ITGAE: variants seen among roughly 807,000 people sequenced by gnomAD.
ITGAE encodes the protein integrin subunit alpha E.
ITGAE carries 99 observed loss-of-function variants against 136.5 expected under a neutral mutation model. That is an observed-to-expected ratio of 0.73 (90% confidence interval 0.62 to 0.86). The LOEUF is 0.86. ITGAE is among the 40% of genes least tolerant of loss of function. The pLI is 0.00. For missense variants in ITGAE, 1,447 were observed against 1,515.3 expected (o/e 0.95, Z 0.75); for synonymous variants, 613 against 591.8 (o/e 1.04, Z -0.52).
At chr17:3,724,649 C>T in intron 26 of ITGAE, 1 of 1,614,184 alleles carries the variant, frequency 6.2e-7, no homozygotes. Context: ...ACCAAACCCG[C>T]GCCAGCCTCA....
intron 30 of ITGAE, among the ~76,000 whole-genome samples, chr17:3,716,176 A>G (rs959533534): frequency 3.3e-5 from 5 of 151,258 alleles, no homozygotes; most frequent in Non-Finnish European, 7.4e-5. Flanking sequence ...GTCTCAAAAA[A>G]AAAAAAGAAA....
chr17:3,732,370 A>G lies in ITGAE; in HGVS notation c.2752T>C (p.Ser918Pro). Reference protein sequence around the residue: ...RIGHPVLKRSSAHVSVVWQLE... With the variant: ...RIGHPVLKRSPAHVSVVWQLE... ...CGAATCAGTCCAAACCGACTCACAG[A>G]TGACCTCTTGAGGACGGGGTGACCA... Residue 918 changes from serine (S) to proline (P), a missense_variant and splice_region_variant, in exon 22 of 31, where the codon TCT becomes CCT. This residue lies in a region of ITGAE where 1,031 missense variants were observed against 1,011.4 expected (regional missense o/e 1.02). Transcript: ENST00000263087. The G allele has an allele frequency of 6.2e-7, 1 of 1,613,092 alleles. No homozygotes were observed. The highest frequency in any genetic ancestry group is 8.5e-7 in the Non-Finnish European group (1 of 1,179,084).
At chr17:3,723,778 C>T in intron 26 of ITGAE, 34 bp from the exon 27 acceptor site, 2 of 1,601,332 alleles carry the variant, frequency 1.2e-6, no homozygotes, top group Non-Finnish European at 1.7e-6. Context: ...ACGCGCTGAA[C>T]AAACCAAGCC....
In ITGAE at chr17:3,801,170, T is replaced by C. The variant is rs987890916; in HGVS notation, c.-26A>G. 1.2e-6 allele frequency: 2 copies of C among 1,608,552 alleles called. No individual in the cohort carries two copies. The highest frequency in any genetic ancestry group is 1.7e-6 in the Non-Finnish European group (2 of 1,179,880). On this transcript the variant is annotated 5_prime_UTR_variant, in exon 1 of 31. Coordinates refer to ENST00000263087, the MANE Select transcript of ITGAE (RefSeq NM_002208.5). ...CCTTGCTGGAGCAGAGGCGGCTGTG[T>C]GGGAGCCGAGGCGAGTGCGACACAT...
Position 3,794,534 on chromosome 17 carries a change from C to A in ITGAE, c.34+6577G>T, listed in dbSNP as rs566438606. On this transcript the variant is annotated intron_variant, in intron 1 of 30. Coordinates refer to ENST00000263087, the MANE Select transcript of ITGAE (RefSeq NM_002208.5). ...CTCAGGGCCTGGCATGGTGGCCCAC[C>A]CTCGGTAGGTGCTGGGAGAGTGGCC... is the stretch of plus-strand genomic sequence containing the variant. Among the ~76,000 whole-genome samples the A allele has an allele frequency of 7.0e-4, 107 of 152,264 alleles. 1 individual carries two copies. Among genetic ancestry groups the A allele is most frequent in the African/African-American group, 2.6e-3 (106 of 41,564 alleles).
rs556497867 is a variant in ITGAE at position 3,750,583 on chromosome 17, C to A, written c.1894-101G>T. 3.6e-6 allele frequency: 5 copies of A among 1,405,304 alleles called. No homozygotes were observed. The East Asian group carries it at 9.4e-5, about 27-fold the overall frequency. 87.1% of individuals were successfully genotyped at this position (1,405,304 alleles called of 1,614,324 possible). ...CCCGATCAGCATCGCAGGCACCATC[C>A]AGCCCCAGGGAGCCCCGAGTCTAGA... On this transcript the variant is annotated intron_variant, in intron 15 of 30. Transcript: ENST00000263087.
intron 2 of ITGAE, among the ~76,000 whole-genome samples, chr17:3,768,916 A>C (rs945584846): frequency 6.6e-6 from 1 of 152,184 alleles, no homozygotes; most frequent in Admixed American, 6.5e-5. Context: ...CCCAGGCAAC[A>C]GCTGAGGGGG....
At chr17:3,755,770 T>G in intron 11 of ITGAE, 60 bp downstream of exon 11, 1 of 1,468,632 alleles carries the variant, frequency 6.8e-7, no homozygotes, top group East Asian at 2.4e-5. Flanking sequence ...CCCTGAATCC[T>G]AGGTGTCCTG....
chr17:3,767,269 G>A (rs142075531), intron 2 of ITGAE, among the ~76,000 whole-genome samples: 21 of 152,002 alleles, frequency 1.4e-4, no homozygotes, highest in African/African-American at 4.6e-4. Context: ...GCTAATTTTC[G>A]TATTTTTAGT....
chr17:3,743,687 T>TTG (rs889642932), intron 18 of ITGAE, 70 bp from the exon 19 acceptor site: 11 of 1,431,320 alleles, frequency 7.7e-6, no homozygotes, highest in Non-Finnish European at 1.0e-5. Context: ...ATAATGCTTT[T>TTG]TTTCTTTTTC....
chr17:3,736,360 T>C (rs2051459567), intron 20 of ITGAE, among the ~76,000 whole-genome samples: 1 of 152,148 alleles, frequency 6.6e-6, no homozygotes, highest in African/African-American at 2.4e-5. Context: ...TGGAGTCTAG[T>C]AGTCCAAAGA....
Position 3,750,570 on chromosome 17 carries a change from C to G in ITGAE, c.1894-88G>C, listed in dbSNP as rs545773815. On this transcript the variant is annotated intron_variant, in intron 15 of 30. Coordinates refer to ENST00000263087, the MANE Select transcript of ITGAE (RefSeq NM_002208.5). ...TTTCATGATCTATCCCGATCAGCAT[C>G]GCAGGCACCATCCAGCCCCAGGGAG... The G allele has an allele frequency of 1.0e-5, 15 of 1,492,176 alleles. 1 individual carries two copies. The East Asian group carries it at 3.5e-4, about 34-fold the overall frequency. The allele number at this position is 1,492,176 out of a possible 1,614,324, so 92.4% of individuals were successfully genotyped here.
Position 3,798,064 on chromosome 17 carries a change from C to T in ITGAE, c.34+3047G>A, listed in dbSNP as rs757960144. On this transcript the variant is annotated intron_variant, in intron 1 of 30. Transcript: ENST00000263087. This position sits in a 1 kb window ranked among gnomAD's most constrained non-coding sequence, Gnocchi z 4.3. ...CCCGCATTCCTCCACTTATACCACA[C>T]CTGCCACACGAATGCAGGCCTCCCA... is the stretch of plus-strand genomic sequence containing the variant. Among the ~76,000 whole-genome samples the T allele has an allele frequency of 6.6e-6, 1 of 152,216 alleles. No homozygotes were observed. Among genetic ancestry groups the T allele is most frequent in the African/African-American group, 2.4e-5 (1 of 41,436 alleles).
intron 26 of ITGAE, chr17:3,724,377 C>G: frequency 6.2e-7 from 1 of 1,608,290 alleles, no homozygotes; most frequent in Non-Finnish European, 8.5e-7. Context: ...CCGCCTCAGC[C>G]CGGACCTCAG....
chr17:3,783,059 C>T (rs1364158229), intron 1 of ITGAE, among the ~76,000 whole-genome samples: 1 of 152,190 alleles, frequency 6.6e-6, no homozygotes, highest in African/African-American at 2.4e-5. Context: ...CAGCCTATTT[C>T]CATGTGTTTG....
intron 1 of ITGAE, chr17:3,784,259 C>CA: frequency 9.2e-6 from 3 of 327,180 alleles, no homozygotes; most frequent in Admixed American, 4.7e-5. Context: ...GACTCCATCT[C>CA]AAAAAAATAA....
At chr17:3,715,339 G>C (rs2050922092) in intron 30 of ITGAE, among the ~76,000 whole-genome samples, 1 of 152,164 alleles carries the variant, frequency 6.6e-6, no homozygotes, top group African/African-American at 2.4e-5. Context: ...GTAGGAAAAA[G>C]AGATAATTAC....
chr17:3,753,983 T>G, intron 12 of ITGAE, 58 bp from the exon 13 acceptor site: 1 of 1,577,706 alleles, frequency 6.3e-7, no homozygotes, highest in Admixed American at 1.7e-5. Context: ...GGCCTCTCTC[T>G]TGGCCCCGGC....
chr17:3,789,937 A>G (rs189984641), intron 1 of ITGAE, among the ~76,000 whole-genome samples: 46 of 151,486 alleles, frequency 3.0e-4, no homozygotes, highest in Middle Eastern at 3.4e-3. Flanking sequence ...AATGAAATAC[A>G]ATAATTAATT....
Sources: gnomAD v4.1 joint callset for allele counts (sites outside exome capture counted in the v4.1 genomes callset) on GRCh38, gnomAD v4.1.1 for gene constraint, gnomAD v4.1.1 regional missense constraint, Gnocchi (gnomAD v3.1) non-coding constraint, MANE v1.5 for transcripts, NCBI Gene and HGNC (gene_info 2026-07-23, HGNC 2026-07-21) for gene names.